The following KIF1A variants were observed in gnomAD, a reference collection of about 807,000 sequenced individuals.
The protein encoded by KIF1A is kinesin-like protein KIF1A.
A neutral mutation model predicts 227.3 loss-of-function variants in KIF1A; 46 were observed. That is an observed-to-expected ratio of 0.20 (90% CI 0.16 to 0.26). The LOEUF (loss-of-function observed/expected upper bound fraction) is 0.26, where lower values mean the gene tolerates loss of function less well. Ranked by LOEUF, KIF1A falls within the 10% of genes least tolerant of loss-of-function variation. The probability of loss-of-function intolerance (pLI) is 1.00; values close to 1 mark genes in which losing one functional copy is unlikely to be tolerated. For missense variants in KIF1A, 1,683 were observed against 2,485.9 expected (o/e 0.68, Z 6.87); for synonymous variants, 1,022 against 1,012.8 (o/e 1.01, Z -0.17).
At chr2:240,718,639 G>A (rs1157290851) in intron 47 of KIF1A, among the ~76,000 whole-genome samples, 1 of 152,248 alleles carries the variant, frequency 6.6e-6, no homozygotes, top group Non-Finnish European at 1.5e-5. Context: ...GTGGGGGCAG[G>A]AGGGCTCCTC....
chr2:240,799,727 A>G (rs926285576), intron 1 of KIF1A, among the ~76,000 whole-genome samples: 2 of 152,184 alleles, frequency 1.3e-5, no homozygotes, highest in Non-Finnish European at 2.9e-5. Context: ...TAGAGCACAA[A>G]TCCCGCAAGG....
intron 1 of KIF1A, chr2:240,819,097 C>G (rs2058532481): frequency 6.6e-6 from 1 of 152,250 alleles, no homozygotes; most frequent in Non-Finnish European, 1.5e-5. Context: ...CCCCCCCAAC[C>G]CCACCTACCG....
upstream of KIF1A, among the ~76,000 whole-genome samples, chr2:240,820,829 C>A (rs936004580): frequency 6.6e-6 from 1 of 152,148 alleles, no homozygotes; most frequent in Admixed American, 6.5e-5. This position sits in a 1 kb window ranked among gnomAD's most constrained non-coding sequence, Gnocchi z 6.2. Context: ...AACCCGCCCG[C>A]GGACCCGCCG....
intron 10 of KIF1A, among the ~76,000 whole-genome samples, chr2:240,779,027 CTCA>C (rs1308699726): frequency 1.3e-5 from 2 of 152,018 alleles, no homozygotes. Context: ...CAGTTCCACA[CTCA>C]GTTCCACACT....
In KIF1A at chr2:240,746,080, A is replaced by C; in HGVS notation, c.3161T>G (p.Val1054Gly). 1.3e-6 allele frequency: 2 copies of C among 1,599,206 alleles called. No homozygotes were observed. The highest frequency in any genetic ancestry group is 1.7e-6 in the Non-Finnish European group (2 of 1,173,522). Residue 1054 changes from valine (V) to glycine (G), a missense_variant, in exon 30 of 49, where the codon GTG becomes GGG. This residue lies in a region of KIF1A where 759 missense variants were observed against 1,020.2 expected (regional missense o/e 0.74). Coordinates refer to ENST00000498729, the MANE Select transcript of KIF1A (RefSeq NM_001244008.2). ...GTTGACTTCATCGGCTGAGGGCCCC[A>C]CGTCTGCACCCTGGCCCTGGCCCTC... is the stretch of plus-strand genomic sequence containing the variant. ...IVEGQGQGAD[V>G]GPSADEVNNN...
chr2:240,743,273 GC>G (rs1200788448), intron 33 of KIF1A, among the ~76,000 whole-genome samples: 2 of 152,154 alleles, frequency 1.3e-5, no homozygotes, highest in Non-Finnish European at 2.9e-5. Context: ...AGCCTTCATT[GC>G]CCTTCTCTTT....
In KIF1A at chr2:240,793,691, A is replaced by C. The variant is rs374344589; in HGVS notation, c.106+3956T>G. ...AAAACTGCTAGGTCTGGTGTGTTCA[A>C]ATGAAGAGGATTATTTATGCAGGTG... On this transcript the variant is annotated intron_variant, in intron 2 of 48. Transcript: ENST00000498729. This position sits in a 1 kb window ranked among gnomAD's most constrained non-coding sequence, Gnocchi z 4.8. 6.6e-6 allele frequency among the ~76,000 whole-genome samples: 1 copy of C among 152,240 alleles called. No individual in the cohort carries two copies. Among genetic ancestry groups the C allele is most frequent in the Admixed American group, 6.5e-5 (1 of 15,288 alleles).
chr2:240,787,188 A>C (rs1575635130), intron 5 of KIF1A, 63 bp downstream of exon 5: 2 of 1,335,084 alleles, frequency 1.5e-6, no homozygotes, highest in East Asian at 4.6e-5. Flanking sequence ...TCAGAAAAGC[A>C]CTGCCAGCCA....
chr2:240,772,763 G>A (rs1405771273), intron 13 of KIF1A, among the ~76,000 whole-genome samples, 167 bp from the exon 14 acceptor site: 3 of 152,158 alleles, frequency 2.0e-5, no homozygotes, highest in South Asian at 4.1e-4. Context: ...GGGGGACCTC[G>A]GTGACCCCAG....
chr2:240,807,952 C>G (rs1156442602), intron 1 of KIF1A, among the ~76,000 whole-genome samples: 1 of 152,158 alleles, frequency 6.6e-6, no homozygotes, highest in Non-Finnish European at 1.5e-5. Flanking sequence ...TTTCAAGACT[C>G]ATTTGTGATA....
At chr2:240,756,652 C>G (rs1167261427) in intron 27 of KIF1A, among the ~76,000 whole-genome samples, 1 of 152,248 alleles carries the variant, frequency 6.6e-6, no homozygotes, top group African/African-American at 2.4e-5. Flanking sequence ...TTTAGACAGG[C>G]ATGTTTTGCC....
chr2:240,781,437 ACACACACACACACACACACACAGCTC>A lies in KIF1A; in HGVS notation c.882+1127_882+1152del, dbSNP rs2053954657. ...CACACACACACACACAGCTCCACACACACACACACACACACACACACAGCTCCACACACACACACACACACACACAG... is the reference window on the plus strand; with the variant it reads ...CACACACACACACACAGCTCCACACACACACACACACACACACACACACAG... On this transcript the variant is annotated intron_variant, in intron 10 of 48. Coordinates refer to ENST00000498729, the MANE Select transcript of KIF1A (RefSeq NM_001244008.2). 1.9e-4 allele frequency among the ~76,000 whole-genome samples: 8 copies of A among 41,846 alleles called. 2 individuals carry two copies. The highest frequency in any genetic ancestry group is 2.9e-4 in the Non-Finnish European group (7 of 24,324). 27.5% of individuals were successfully genotyped at this position (41,846 alleles called of 152,430 possible).
Position 240,717,340 on chromosome 2 carries a change from C to T in KIF1A, c.*24G>A, listed in dbSNP as rs372244073. ...GAGGGAGGGGATGGGCTGGGCCTGC[C>T]GGCTGTCACGGGAGGGCTCAGGTTC... On this transcript the variant is annotated 3_prime_UTR_variant, in exon 49 of 49. Transcript: ENST00000498729. The T allele has an allele frequency of 1.7e-5, 27 of 1,607,008 alleles. No individual in the cohort carries two copies. The highest frequency in any genetic ancestry group is 1.2e-4 in the African/African-American group (9 of 74,834).
At chr2:240,759,170 T>C (rs1028718710) in intron 25 of KIF1A, among the ~76,000 whole-genome samples, 69 of 151,450 alleles carry the variant, frequency 4.6e-4, no homozygotes, top group Non-Finnish European at 8.8e-5. Context: ...TGTGTGTGTT[T>C]GCATGAATGT....
At chr2:240,794,601 T>C (rs533666525) in intron 2 of KIF1A, among the ~76,000 whole-genome samples, 2 of 152,398 alleles carry the variant, frequency 1.3e-5, no homozygotes, top group South Asian at 4.1e-4. Context: ...GGCGGGCATT[T>C]GGGCGGTTGC....
intron 20 of KIF1A, 79 bp downstream of exon 20, chr2:240,765,631 C>T (rs963585712): frequency 1.1e-5 from 12 of 1,125,866 alleles, no homozygotes; most frequent in Admixed American, 9.5e-5. Flanking sequence ...GCACAGGAGG[C>T]GGTGGCTTGG....
intron 38 of KIF1A, among the ~76,000 whole-genome samples, chr2:240,730,189 A>T (rs2046444898): frequency 6.6e-6 from 1 of 152,246 alleles, no homozygotes; most frequent in Non-Finnish European, 1.5e-5. Context: ...CTGGTGGATC[A>T]GGGAGGAGCA....
rs2045520957 is a variant in KIF1A, at chr2:240,722,448, G to GGACCCACCTTGACGGCCAGCTC, written c.4651_4665+7dup. On this transcript the variant is annotated splice_region_variant and intron_variant, in intron 43 of 48. Transcript: ENST00000498729. ...GCTACGGCTGTACTGCCCACCAGCT[G>GGACCCACCTTGACGGCCAGCTC]GACCCACCTTGACGGCCAGCTCCCG... 6 of 1,545,666 alleles carry GGACCCACCTTGACGGCCAGCTC rather than the reference G, an allele frequency of 3.9e-6. No homozygotes were observed. Among genetic ancestry groups the GGACCCACCTTGACGGCCAGCTC allele is most frequent in the Non-Finnish European group, 4.4e-6 (5 of 1,146,600 alleles).
chr2:240,743,033 G>A, intron 33 of KIF1A, 49 bp from the exon 34 acceptor site: 2 of 1,473,680 alleles, frequency 1.4e-6, no homozygotes, highest in Non-Finnish European at 1.8e-6. Flanking sequence ...CTGGGCGGGA[G>A]GGGTCAGAAG....
Sources: gnomAD v4.1 joint callset for allele counts (sites outside exome capture counted in the v4.1 genomes callset) on GRCh38, gnomAD v4.1.1 for gene constraint, gnomAD v4.1.1 regional missense constraint, Gnocchi (gnomAD v3.1) non-coding constraint, MANE v1.5 for transcripts, NCBI Gene and HGNC (gene_info 2026-07-23, HGNC 2026-07-21) for gene names.